Variants in CMSS1 observed in about 807,000 individuals in gnomAD.
The protein encoded by CMSS1 is protein CMSS1.
Under a neutral mutation model 43.5 loss-of-function variants are expected in CMSS1, and 33 were observed. That is an observed-to-expected ratio of 0.76 (90% CI 0.57 to 1.01). The LOEUF (loss-of-function observed/expected upper bound fraction) is 1.01, where lower values mean the gene tolerates loss of function less well. Ranked by LOEUF, CMSS1 falls within the 50% of genes least tolerant of loss-of-function variation. CMSS1 has a pLI of 0.00. For missense variants in CMSS1, 313 were observed against 326.4 expected (o/e 0.96, Z 0.32); for synonymous variants, 115 against 117.2 (o/e 0.98, Z 0.12).
chr3:99,866,182 T>A (rs553422690), intron 1 of CMSS1, among the ~76,000 whole-genome samples: 1 of 152,126 alleles, frequency 6.6e-6, no homozygotes, highest in Admixed American at 6.5e-5. Context: ...TTTTTTTTTT[T>A]AAAGGCTTTC....
intron 1 of CMSS1, among the ~76,000 whole-genome samples, chr3:99,839,085 CT>C (rs1943019732): frequency 6.6e-6 from 1 of 152,106 alleles, no homozygotes; most frequent in Non-Finnish European, 1.5e-5. Flanking sequence ...GAGCACCTTT[CT>C]TTTTTCTCTA....
At chr3:100,064,323 A>G (rs1214381504) in intron 1 of CMSS1, among the ~76,000 whole-genome samples, 1 of 152,110 alleles carries the variant, frequency 6.6e-6, no homozygotes. Context: ...TGTGTATCCT[A>G]AAGGACCAAT....
At chr3:99,829,031 T>C (rs553212224) in intron 1 of CMSS1, among the ~76,000 whole-genome samples, 49 of 152,090 alleles carry the variant, frequency 3.2e-4, no homozygotes, top group African/African-American at 1.2e-3. Context: ...CCTGGGGGTG[T>C]TTGTACAGTG....
chr3:99,999,552 A>G (rs551929476), intron 1 of CMSS1, among the ~76,000 whole-genome samples: 1 of 152,344 alleles, frequency 6.6e-6, no homozygotes, highest in South Asian at 2.1e-4. Flanking sequence ...TGTATAAGCT[A>G]AATCCTTGCC....
intron 1 of CMSS1, among the ~76,000 whole-genome samples, chr3:99,991,836 A>ATATGTG (rs1553703596): frequency 5.2e-4 from 75 of 143,510 alleles, no homozygotes; most frequent in African/African-American, 1.5e-3. Flanking sequence ...ATATATATAT[A>ATATGTG]TGTGTGTGTG....
intron 1 of CMSS1, among the ~76,000 whole-genome samples, chr3:100,134,660 A>G (rs2066736084): frequency 6.6e-6 from 1 of 152,214 alleles, no homozygotes; most frequent in East Asian, 1.9e-4. Flanking sequence ...AAAAGATAGG[A>G]TGGGGTGGAA....
At chr3:100,076,701 C>T (rs142312268) in intron 1 of CMSS1, among the ~76,000 whole-genome samples, 351 of 152,310 alleles carry the variant, frequency 2.3e-3, no homozygotes, top group Middle Eastern at 0.01. Context: ...TATTGTTTGA[C>T]TTCACCTCTG....
intron 1 of CMSS1, among the ~76,000 whole-genome samples, chr3:99,867,789 C>T (rs1268931822): frequency 6.6e-6 from 1 of 152,104 alleles, no homozygotes; most frequent in Admixed American, 6.6e-5. Context: ...TTTTATGGCT[C>T]ATCAAGTCTC....
intron 1 of CMSS1, among the ~76,000 whole-genome samples, chr3:99,960,783 G>A (rs1047746635): frequency 1.3e-5 from 2 of 152,176 alleles, no homozygotes; most frequent in Non-Finnish European, 2.9e-5. Context: ...TTTACTTACT[G>A]TCTGAATTGA....
intron 1 of CMSS1, among the ~76,000 whole-genome samples, chr3:99,893,380 TG>T (rs1706152372): frequency 2.0e-5 from 3 of 152,250 alleles, no homozygotes; most frequent in East Asian, 3.9e-4. Context: ...TTAGCCAGAA[TG>T]GTCTCGATCT....
At chr3:99,868,937 A>G (rs1021306674) in intron 1 of CMSS1, among the ~76,000 whole-genome samples, 15 of 152,156 alleles carry the variant, frequency 9.9e-5, no homozygotes, top group African/African-American at 3.6e-4. Context: ...TTTGCCGTTA[A>G]GCCAACTGTA....
At chr3:99,836,846 G>A (rs570692592) in intron 1 of CMSS1, among the ~76,000 whole-genome samples, 1 of 152,318 alleles carries the variant, frequency 6.6e-6, no homozygotes, top group African/African-American at 2.4e-5. Context: ...CATTGTGTCT[G>A]AACCAATCAG....
intron 8 of CMSS1, among the ~76,000 whole-genome samples, chr3:100,175,315 C>T (rs548727223): frequency 2.0e-5 from 3 of 152,188 alleles, no homozygotes; most frequent in Admixed American, 1.3e-4. Flanking sequence ...CCTATAATCC[C>T]GGCACTTTGG....
At chr3:100,114,998 G>C (rs1267558845) in intron 1 of CMSS1, 1 of 1,516,652 alleles carries the variant, frequency 6.6e-7, no homozygotes, top group African/African-American at 1.4e-5. Flanking sequence ...AATGCATGGT[G>C]GTATGTTTAT....
intron 1 of CMSS1, among the ~76,000 whole-genome samples, chr3:100,087,401 C>T (rs2107421599): frequency 6.6e-6 from 1 of 152,260 alleles, no homozygotes; most frequent in East Asian, 1.9e-4. Flanking sequence ...TTTTGGTTGA[C>T]TGGGTTTTGT....
At chr3:100,093,365 C>T (rs1204862859) in intron 1 of CMSS1, among the ~76,000 whole-genome samples, 1 of 151,966 alleles carries the variant, frequency 6.6e-6, no homozygotes, top group African/African-American at 2.4e-5. Context: ...TATACTACCA[C>T]CTAGGGATAA....
chr3:100,035,897 G>T (rs1168459260), intron 1 of CMSS1, among the ~76,000 whole-genome samples: 1 of 152,078 alleles, frequency 6.6e-6, no homozygotes, highest in African/African-American at 2.4e-5. Flanking sequence ...TTCTATGGAT[G>T]GTCTATTATG....
intron 1 of CMSS1, among the ~76,000 whole-genome samples, chr3:99,935,289 T>C (rs1707627248): frequency 6.6e-6 from 1 of 150,870 alleles, no homozygotes; most frequent in South Asian, 2.1e-4. Flanking sequence ...GGAAAGTTGC[T>C]TTTTGTGTAT....
chr3:100,153,117 A>G (rs966132013), intron 2 of CMSS1, among the ~76,000 whole-genome samples: 2 of 152,210 alleles, frequency 1.3e-5, no homozygotes, highest in African/African-American at 4.8e-5. Context: ...AATAAATACA[A>G]CTATGTAATT....
Sources: allele counts gnomAD v4.1 joint callset (sites outside exome capture counted in the v4.1 genomes callset), GRCh38; gene constraint gnomAD v4.1.1; transcripts MANE v1.5; gene names NCBI Gene and HGNC (gene_info 2026-07-23, HGNC 2026-07-21).